Variants in PTPRG observed in about 807,000 individuals in gnomAD.
PTPRG encodes the protein protein tyrosine phosphatase receptor type G.
A neutral mutation model predicts 165.3 loss-of-function variants in PTPRG; 102 were observed. That is an observed-to-expected ratio of 0.62 (90% confidence interval 0.53 to 0.73). The LOEUF (loss-of-function observed/expected upper bound fraction) is 0.73, where lower values mean the gene tolerates loss of function less well. PTPRG is among the 30% of genes least tolerant of loss of function. The pLI, the probability that PTPRG is intolerant of heterozygous loss-of-function variation, is 0.00. For missense variants in PTPRG, 1,866 were observed against 1,861.4 expected (o/e 1.00, Z -0.05); for synonymous variants, 675 against 669.5 (o/e 1.01, Z -0.13).
intron 2 of PTPRG, among the ~76,000 whole-genome samples, chr3:61,853,590 A>G (rs1171551877): frequency 6.6e-6 from 1 of 152,236 alleles, no homozygotes; most frequent in Non-Finnish European, 1.5e-5. Context: ...AATCTCATTT[A>G]GAAAACTTGT....
intron 1 of PTPRG, among the ~76,000 whole-genome samples, chr3:61,621,218 T>G (rs964360251): frequency 6.6e-6 from 1 of 152,090 alleles, no homozygotes; most frequent in Non-Finnish European, 1.5e-5. Flanking sequence ...AATTGTCTTA[T>G]GCACCCCTGG....
chr3:62,037,633 G>A (rs1699989021), intron 4 of PTPRG, among the ~76,000 whole-genome samples: 1 of 152,156 alleles, frequency 6.6e-6, no homozygotes, highest in Admixed American at 6.5e-5. Context: ...AATCCATCTA[G>A]GAACTGTTTG....
intron 10 of PTPRG, among the ~76,000 whole-genome samples, chr3:62,200,415 C>G (rs925200278): frequency 6.6e-6 from 1 of 152,004 alleles, no homozygotes; most frequent in African/African-American, 2.4e-5. Context: ...GGACTGCAGG[C>G]GTTCACCACC....
chr3:61,986,113 G>A (rs977140519), intron 2 of PTPRG, among the ~76,000 whole-genome samples: 2 of 148,480 alleles, frequency 1.3e-5, no homozygotes, highest in African/African-American at 5.3e-5. Context: ...TATTTAATAC[G>A]ACAATCATCA....
intron 1 of PTPRG, among the ~76,000 whole-genome samples, chr3:61,595,413 G>A (rs1700679403): frequency 6.6e-6 from 1 of 152,222 alleles, no homozygotes; most frequent in Non-Finnish European, 1.5e-5. Flanking sequence ...AGCTGGGAAT[G>A]TGTCCTCAAA....
intron 2 of PTPRG, chr3:61,753,476 C>G: frequency 3.0e-6 from 1 of 332,044 alleles, no homozygotes; most frequent in South Asian, 2.4e-5. Flanking sequence ...CCCAGAACTT[C>G]TATAATTATT....
chr3:62,259,890 A>G lies in PTPRG; in HGVS notation c.2560-2908A>G, dbSNP rs141331797. ...TCTTTTCAAAGGGTATGGAGTTAATATTGTCTGGGATTGGGAAGGGTGGGG... is the reference window on the plus strand; with the variant it reads ...TCTTTTCAAAGGGTATGGAGTTAATGTTGTCTGGGATTGGGAAGGGTGGGG... On this transcript the variant is annotated intron_variant, in intron 16 of 29. Transcript: ENST00000474889. Among the ~76,000 whole-genome samples, 180 of 152,214 alleles carry G rather than the reference A, an allele frequency of 1.2e-3. 1 individual carries two copies. The highest frequency in any genetic ancestry group is 4.2e-3 in the African/African-American group (176 of 41,530).
chr3:61,792,655 A>C (rs1247745622), intron 2 of PTPRG, among the ~76,000 whole-genome samples: 1 of 150,574 alleles, frequency 6.6e-6, no homozygotes, highest in Non-Finnish European at 1.5e-5. Context: ...GGAAAACATA[A>C]CTTTTTTGTG....
chr3:61,842,227 A>G (rs966365233), intron 2 of PTPRG, among the ~76,000 whole-genome samples: 1 of 152,194 alleles, frequency 6.6e-6, no homozygotes, highest in African/African-American at 2.4e-5. Flanking sequence ...TCACAATTCT[A>G]TGTGCATCCA....
intron 4 of PTPRG, among the ~76,000 whole-genome samples, chr3:62,033,530 T>TCCCCCC (rs147045221): frequency 2.9e-4 from 39 of 134,084 alleles, no homozygotes; most frequent in East Asian, 7.6e-4. Flanking sequence ...ATGCCTATCT[T>TCCCCCC]CCCCCCCCCA....
chr3:61,965,487 C>CAAA (rs56210593), intron 2 of PTPRG, among the ~76,000 whole-genome samples: 9,196 of 79,868 alleles, frequency 0.12, 562 homozygotes, highest in East Asian at 0.21. Context: ...GACTCCGTCT[C>CAAA]AAAAAAAAAA....
At chr3:61,698,322 A>G (rs1272309382) in intron 1 of PTPRG, among the ~76,000 whole-genome samples, 1 of 152,152 alleles carries the variant, frequency 6.6e-6, no homozygotes, top group Non-Finnish European at 1.5e-5. Context: ...GCCACATAGA[A>G]CATGTTTTAG....
At chr3:61,944,786 T>A (rs922254702) in intron 2 of PTPRG, among the ~76,000 whole-genome samples, 5 of 152,232 alleles carry the variant, frequency 3.3e-5, no homozygotes, top group African/African-American at 1.2e-4. Flanking sequence ...GAAATTACTG[T>A]TACGCTGTAG....
intron 2 of PTPRG, among the ~76,000 whole-genome samples, chr3:61,758,725 C>T (rs964930818): frequency 9.9e-5 from 15 of 151,952 alleles, no homozygotes; most frequent in Non-Finnish European, 1.9e-4. Context: ...AGTGCCACCA[C>T]GCTCGGCTTC....
intron 2 of PTPRG, among the ~76,000 whole-genome samples, chr3:61,867,043 G>C (rs1232460299): frequency 6.6e-6 from 1 of 152,170 alleles, no homozygotes; most frequent in Non-Finnish European, 1.5e-5. Flanking sequence ...CCAGCCAGGA[G>C]TAGCTCTTCA....
chr3:62,006,714 A>G (rs2041306168), intron 4 of PTPRG, among the ~76,000 whole-genome samples: 1 of 152,106 alleles, frequency 6.6e-6, no homozygotes. Flanking sequence ...GACATTAGGT[A>G]ATGTCTGGAG....
In PTPRG at chr3:61,927,504, G is replaced by A. The variant is rs534411451; in HGVS notation, c.191-62121G>A. On this transcript the variant is annotated intron_variant, in intron 2 of 29. Transcript: ENST00000474889. Reference sequence around the variant, plus strand: ...GAGAATTGTTATATCCTGTACTATGGAAACAGGATGAACTTGGCCATGAGT... The same window carrying A: ...GAGAATTGTTATATCCTGTACTATGAAAACAGGATGAACTTGGCCATGAGT... 5.9e-5 allele frequency among the ~76,000 whole-genome samples: 9 copies of A among 152,322 alleles called. No individual in the cohort carries two copies. The East Asian group carries it at 1.7e-3, about 29-fold the overall frequency.
rs1170557556 is a variant in PTPRG at position 61,653,316 on chromosome 3, T to A, written c.85+90944T>A. Among the ~76,000 whole-genome samples the A allele has an allele frequency of 2.0e-5, 3 of 152,136 alleles. No individual in the cohort carries two copies. In the East Asian group the frequency reaches 5.8e-4, roughly 29 times the overall value. On this transcript the variant is annotated intron_variant, in intron 1 of 29. Transcript: ENST00000474889. ...AACATTTCCCCATTTCTTTAAATTA[T>A]CCCCCTTTTTTTTTCCAGCATGGTT...
chr3:61,772,476 C>G (rs1365604568), intron 2 of PTPRG, among the ~76,000 whole-genome samples: 1 of 151,898 alleles, frequency 6.6e-6, no homozygotes, highest in Admixed American at 6.6e-5. Context: ...CTTATTATAG[C>G]TGATCAATCA....
Sources: allele counts gnomAD v4.1 joint callset (sites outside exome capture counted in the v4.1 genomes callset), GRCh38; gene constraint gnomAD v4.1.1; transcripts MANE v1.5; gene names NCBI Gene and HGNC (gene_info 2026-07-23, HGNC 2026-07-21).